The following THSD7B variants were observed in gnomAD, a reference collection of about 807,000 sequenced individuals.
THSD7B encodes thrombospondin type 1 domain containing 7B, also known as thrombospondin type-1 domain-containing protein 7B.
A neutral mutation model predicts 213.6 loss-of-function variants in THSD7B; 138 were observed. The ratio of observed to expected loss-of-function variants is 0.65; its 90% CI spans 0.56 to 0.74. The LOEUF (loss-of-function observed/expected upper bound fraction) is 0.74. Ranked by LOEUF, THSD7B falls within the 30% of genes least tolerant of loss-of-function variation. The pLI is 0.00. For synonymous variants in THSD7B, 742 were observed against 687.0 expected (o/e 1.08, Z -1.25); for missense variants, 1,931 against 1,991.5 (o/e 0.97, Z 0.58).
chr2:137,129,177 G>A (rs955891892), intron 5 of THSD7B, among the ~76,000 whole-genome samples: 2 of 152,082 alleles, frequency 1.3e-5, no homozygotes, highest in Admixed American at 6.6e-5. Flanking sequence ...TTGCTTGGGG[G>A]TGGAATTAAA....
chr2:137,020,871 G>A (rs1212875537), intron 2 of THSD7B, among the ~76,000 whole-genome samples: 1 of 152,190 alleles, frequency 6.6e-6, no homozygotes, highest in Non-Finnish European at 1.5e-5. Flanking sequence ...GATGGGAAAA[G>A]CTGCAATCTA....
At chr2:137,577,761 C>T (rs1016508283) in intron 17 of THSD7B, among the ~76,000 whole-genome samples, 5 of 152,066 alleles carry the variant, frequency 3.3e-5, no homozygotes, top group Admixed American at 3.3e-4. Flanking sequence ...TTAATGACAA[C>T]AACTACACCT....
In THSD7B at chr2:137,433,282, ACT is replaced by A. The variant is rs1176358242; in HGVS notation, c.2960-17560_2960-17559del. 2.0e-5 allele frequency among the ~76,000 whole-genome samples: 3 copies of A among 151,998 alleles called. No homozygotes were observed. In the South Asian group the frequency reaches 6.3e-4, roughly 32 times the overall value. ...AGTAGTTGTGTAATAGGCAAAGAAC[ACT>A]CTTTTGGACACAAAAGATGCTCAAA... On this transcript the variant is annotated intron_variant, in intron 14 of 27. Coordinates refer to ENST00000409968, the MANE Select transcript of THSD7B (RefSeq NM_001316349.2).
intron 2 of THSD7B, among the ~76,000 whole-genome samples, chr2:136,966,223 AT>A (rs5834526): frequency 0.63 from 94,900 of 149,538 alleles, 30,787 homozygotes; most frequent in Non-Finnish European, 0.7. Flanking sequence ...CTTCCTAAAC[AT>A]TTTTTTTTTT....
At chr2:137,466,955 C>T (rs1271664689) in intron 15 of THSD7B, among the ~76,000 whole-genome samples, 1 of 152,066 alleles carries the variant, frequency 6.6e-6, no homozygotes, top group African/African-American at 2.4e-5. Context: ...CCTCCTGAAG[C>T]AGCAGTGACC....
At chr2:136,822,453 C>G (rs1243553412) in intron 1 of THSD7B, among the ~76,000 whole-genome samples, 1 of 152,206 alleles carries the variant, frequency 6.6e-6, no homozygotes, top group Non-Finnish European at 1.5e-5. Flanking sequence ...AAATCACTGT[C>G]AAGCACCTTA....
intron 6 of THSD7B, among the ~76,000 whole-genome samples, chr2:137,170,005 C>A (rs1680213028): frequency 6.6e-6 from 1 of 152,146 alleles, no homozygotes; most frequent in Non-Finnish European, 1.5e-5. Flanking sequence ...ACACTCGCTG[C>A]AGTCTCATGG....
chr2:136,946,588 A>T (rs1684942352), intron 2 of THSD7B, among the ~76,000 whole-genome samples: 1 of 152,150 alleles, frequency 6.6e-6, no homozygotes, highest in Non-Finnish European at 1.5e-5. Context: ...CTGCCGCAAG[A>T]GGTGGAGTCT....
intron 15 of THSD7B, among the ~76,000 whole-genome samples, chr2:137,462,134 G>A (rs1039940256): frequency 6.6e-6 from 1 of 152,078 alleles, no homozygotes. Flanking sequence ...TGCATAGGGT[G>A]ATGAAATCTC....
intron 1 of THSD7B, among the ~76,000 whole-genome samples, chr2:136,836,753 C>CT (rs1250064482): frequency 8.5e-5 from 13 of 152,298 alleles, no homozygotes; most frequent in African/African-American, 3.1e-4. Flanking sequence ...AACTCCTGAG[C>CT]TTCAGGCTTT....
At chr2:136,979,014 G>T (rs191289165) in intron 2 of THSD7B, among the ~76,000 whole-genome samples, 1 of 151,788 alleles carries the variant, frequency 6.6e-6, no homozygotes, top group Non-Finnish European at 1.5e-5. Flanking sequence ...GCATTTGGTT[G>T]TCTGAAAAGG....
chr2:137,133,233 T>G (rs1226957728), intron 5 of THSD7B, among the ~76,000 whole-genome samples: 1 of 152,160 alleles, frequency 6.6e-6, no homozygotes, highest in East Asian at 1.9e-4. Context: ...AAATTCCTCA[T>G]GTAGTAAGGC....
intron 2 of THSD7B, among the ~76,000 whole-genome samples, chr2:137,022,638 CT>C (rs68006016): frequency 0.089 from 13,259 of 149,324 alleles, 603 homozygotes; most frequent in East Asian, 0.14. Flanking sequence ...TTCCTTTTAA[CT>C]TTTTTTTTTG....
At chr2:137,601,197 G>A (rs543310555) in intron 17 of THSD7B, among the ~76,000 whole-genome samples, 22 of 152,092 alleles carry the variant, frequency 1.4e-4, no homozygotes, top group Non-Finnish European at 3.1e-4. Context: ...AAAATAAATG[G>A]AGTGTAACCT....
intron 12 of THSD7B, among the ~76,000 whole-genome samples, chr2:137,367,987 TTACA>T (rs1186264470): frequency 1.8e-4 from 28 of 152,244 alleles, no homozygotes; most frequent in African/African-American, 6.7e-4. Context: ...ATTCAGTCTA[TTACA>T]TAACCTATTC....
intron 10 of THSD7B, among the ~76,000 whole-genome samples, chr2:137,270,224 C>G (rs1336440562): frequency 6.6e-6 from 1 of 152,054 alleles, no homozygotes; most frequent in Non-Finnish European, 1.5e-5. Context: ...TCCTCTTGCC[C>G]TTTTTTTCTT....
At position 137,127,199 on chromosome 2, in the gene THSD7B, T is replaced by C. The variant is rs971723304; in HGVS notation, c.1369+11906T>C. ...CACAGGGTTGCCACAGACCTTCAAT[T>C]TGTAAAAAATGCAATAGCTGAAAAG... is the stretch of plus-strand genomic sequence containing the variant. On this transcript the variant is annotated intron_variant, in intron 5 of 27. Coordinates refer to ENST00000409968, the MANE Select transcript of THSD7B (RefSeq NM_001316349.2). Among the ~76,000 whole-genome samples the C allele has an allele frequency of 2.0e-5, 3 of 152,154 alleles. No homozygotes were observed. In the East Asian group the frequency reaches 5.8e-4, roughly 29 times the overall value.
At chr2:137,246,144 T>C (rs1558972012) in intron 10 of THSD7B, among the ~76,000 whole-genome samples, 1 of 152,138 alleles carries the variant, frequency 6.6e-6, no homozygotes, top group Non-Finnish European at 1.5e-5. Flanking sequence ...TAACTTAAAC[T>C]GAGAGGTCAG....
At chr2:136,777,100 T>C (rs1681624193) in intron 1 of THSD7B, among the ~76,000 whole-genome samples, 1 of 151,962 alleles carries the variant, frequency 6.6e-6, no homozygotes, top group African/African-American at 2.4e-5. Context: ...GCTCCAGAGG[T>C]TTCACCAGTT....
Sources: allele counts gnomAD v4.1 joint callset (sites outside exome capture counted in the v4.1 genomes callset), GRCh38; gene constraint gnomAD v4.1.1; transcripts MANE v1.5; gene names NCBI Gene and HGNC (gene_info 2026-07-23, HGNC 2026-07-21).